TEAD1: variants seen among roughly 807,000 people sequenced by gnomAD.
TEAD1 encodes TEA domain transcription factor 1, also known as transcriptional enhancer factor TEF-1.
In TEAD1, 9 loss-of-function variants were observed where a neutral mutation model predicts 54.9. That is an observed-to-expected ratio of 0.16 (90% confidence interval 0.10 to 0.29). TEAD1 has a LOEUF of 0.29. TEAD1 is among the 10% of genes least tolerant of loss of function. The probability of loss-of-function intolerance (pLI) is 1.00; values close to 1 mark genes in which losing one functional copy is unlikely to be tolerated. For missense variants in TEAD1, 387 were observed against 535.9 expected, an observed-to-expected ratio of 0.72 and a Z score of 2.74; for synonymous variants, 200 against 187.8, an observed-to-expected ratio of 1.07 and a Z score of -0.53.
intron 9 of TEAD1, among the ~76,000 whole-genome samples, chr11:12,893,781 C>T (rs1215974652): frequency 2.0e-5 from 3 of 152,156 alleles, no homozygotes; most frequent in Admixed American, 6.5e-5. Context: ...CTGGGAAGAA[C>T]GAGGGGCATG....
intron 5 of TEAD1, among the ~76,000 whole-genome samples, chr11:12,866,736 C>G (rs1425060686): frequency 2.6e-5 from 4 of 152,192 alleles, no homozygotes; most frequent in African/African-American, 9.7e-5. Flanking sequence ...GTAGTTTCTT[C>G]CGTTCTTTCC....
chr11:12,925,438 G>C (rs925325493), intron 11 of TEAD1, among the ~76,000 whole-genome samples: 13 of 152,148 alleles, frequency 8.5e-5, no homozygotes, highest in Non-Finnish European at 1.9e-4. Context: ...CAGCCTGGGG[G>C]CCACCTGCCA....
chr11:12,921,611 A>G (rs1948809009), intron 10 of TEAD1, among the ~76,000 whole-genome samples: 2 of 151,862 alleles, frequency 1.3e-5, no homozygotes, highest in Non-Finnish European at 2.9e-5. Flanking sequence ...TAATCCTGCC[A>G]CCATAAAGCA....
rs562176768 is a variant in TEAD1, at chr11:12,899,149, G to A, written c.700-2791G>A. ...TCAGCTCAGTGAGTCCCTAAGGCTT[G>A]TATCTCATGCCTTCCATAAACTCAC... On this transcript the variant is annotated intron_variant, in intron 9 of 12. Transcript: ENST00000527636. Among the ~76,000 whole-genome samples the A allele has an allele frequency of 4.5e-4, 69 of 152,208 alleles. 1 individual carries two copies. Among genetic ancestry groups the A allele is most frequent in the Non-Finnish European group, 8.8e-5 (6 of 68,038 alleles).
chr11:12,864,071 C>CAAA (rs35076560), intron 4 of TEAD1, among the ~76,000 whole-genome samples: 1 of 140,364 alleles, frequency 7.1e-6, no homozygotes. Context: ...TTTATAAGGG[C>CAAA]AAAAAAAAAA....
rs1949136616 is a variant in TEAD1, at chr11:12,939,097, A to G, written c.*1875A>G. On this transcript the variant is annotated 3_prime_UTR_variant, in exon 13 of 13. Coordinates refer to ENST00000527636, the MANE Select transcript of TEAD1 (RefSeq NM_021961.6). ...CAAAACACTAAGCCTGACCTCTCCC[A>G]AATTGGGAAGACCAGAGGAGAAAGT... 6.6e-6 allele frequency: 1 copy of G among 152,174 alleles called. No homozygotes were observed. Among genetic ancestry groups the G allele is most frequent in the Admixed American group, 6.5e-5 (1 of 15,276 alleles). The allele number at this position is 152,174 out of a possible 1,614,324, so 9.4% of individuals were successfully genotyped here.
At chr11:12,885,057 T>C (rs1202974191) in intron 9 of TEAD1, among the ~76,000 whole-genome samples, 1 of 152,066 alleles carries the variant, frequency 6.6e-6, no homozygotes, top group African/African-American at 2.4e-5. Flanking sequence ...ATAGGTTCTG[T>C]TTTCCCCATG....
intron 10 of TEAD1, 125 bp downstream of exon 10, chr11:12,902,238 A>G: frequency 2.3e-6 from 3 of 1,323,722 alleles, no homozygotes; most frequent in Non-Finnish European, 2.2e-6. Context: ...CTTCTGCACA[A>G]TTGCCAAGGG....
intron 2 of TEAD1, among the ~76,000 whole-genome samples, chr11:12,732,560 A>G (rs568085468): frequency 2.0e-5 from 3 of 152,306 alleles, no homozygotes; most frequent in African/African-American, 7.2e-5. Flanking sequence ...TGGCCAGACC[A>G]TGGGTAATGG....
chr11:12,877,659 C>CA (rs112123980), intron 5 of TEAD1, among the ~76,000 whole-genome samples: 176 of 141,540 alleles, frequency 1.2e-3, no homozygotes, highest in Middle Eastern at 3.5e-3. Flanking sequence ...AACTCCATCT[C>CA]AAAAAAAAAA....
At chr11:12,757,429 A>T (rs1281464886) in intron 2 of TEAD1, among the ~76,000 whole-genome samples, 1 of 152,214 alleles carries the variant, frequency 6.6e-6, no homozygotes, top group Non-Finnish European at 1.5e-5. Flanking sequence ...TCCTCAAAAT[A>T]AGATTTACTG....
chr11:12,895,004 A>G (rs774962062), intron 9 of TEAD1, among the ~76,000 whole-genome samples: 1 of 152,160 alleles, frequency 6.6e-6, no homozygotes, highest in African/African-American at 2.4e-5. Context: ...AGAGAGGGCT[A>G]TAATCACTTG....
intron 2 of TEAD1, among the ~76,000 whole-genome samples, chr11:12,695,513 G>T (rs558773241): frequency 1.3e-5 from 2 of 151,972 alleles, no homozygotes; most frequent in African/African-American, 2.4e-5. Context: ...ATTGCTTATC[G>T]TCTCTAGACC....
At chr11:12,908,873 C>G (rs1443860306) in intron 10 of TEAD1, among the ~76,000 whole-genome samples, 1 of 98,692 alleles carries the variant, frequency 1.0e-5, no homozygotes, top group African/African-American at 3.9e-5. Flanking sequence ...CAGTATACTT[C>G]AAATTATCTG....
At chr11:12,829,315 T>G (rs1471838800) in intron 3 of TEAD1, among the ~76,000 whole-genome samples, 1 of 152,142 alleles carries the variant, frequency 6.6e-6, no homozygotes, top group Non-Finnish European at 1.5e-5. Context: ...CAAATGACCT[T>G]GCCTACCAAA....
At chr11:12,776,371 C>T (rs1343492436) in intron 3 of TEAD1, among the ~76,000 whole-genome samples, 4 of 152,220 alleles carry the variant, frequency 2.6e-5, no homozygotes, top group South Asian at 2.1e-4. Context: ...GAGTATTTTT[C>T]GTTCAGCTTG....
intron 3 of TEAD1, among the ~76,000 whole-genome samples, chr11:12,764,709 A>G (rs563941042): frequency 6.6e-6 from 1 of 151,940 alleles, no homozygotes; most frequent in South Asian, 2.1e-4. Context: ...GAACATAAAT[A>G]GTTGCAGTGG....
chr11:12,863,423 C>T (rs1023596322), intron 4 of TEAD1, among the ~76,000 whole-genome samples: 2 of 152,134 alleles, frequency 1.3e-5, no homozygotes, highest in Non-Finnish European at 1.5e-5. Context: ...CAAGTAACAG[C>T]AGGAGCCAGA....
intron 2 of TEAD1, among the ~76,000 whole-genome samples, chr11:12,721,695 C>G (rs954738783): frequency 2.6e-5 from 4 of 151,836 alleles, no homozygotes; most frequent in Non-Finnish European, 5.9e-5. Flanking sequence ...ATTATTTCAA[C>G]AGAAAAAAAA....
Sources: gnomAD v4.1 joint callset for allele counts (sites outside exome capture counted in the v4.1 genomes callset) on GRCh38, gnomAD v4.1.1 for gene constraint, MANE v1.5 for transcripts, NCBI Gene and HGNC (gene_info 2026-07-23, HGNC 2026-07-21) for gene names.